The following CRACR2A variants were observed in gnomAD, a reference collection of about 807,000 sequenced individuals.
CRACR2A encodes calcium release activated channel regulator 2A, also known as EF-hand calcium-binding domain-containing protein 4B.
CRACR2A carries 79 observed loss-of-function variants against 90.5 expected under a neutral mutation model. The observed-to-expected ratio is 0.87, with a 90% CI of 0.73 to 1.05. CRACR2A has a LOEUF of 1.05. CRACR2A is among the 50% of genes least tolerant of loss of function. The pLI, the probability that CRACR2A is intolerant of heterozygous loss-of-function variation, is 0.00. For missense variants in CRACR2A, 823 were observed against 897.2 expected, an observed-to-expected ratio of 0.92 and a Z score of 1.06; for synonymous variants, 338 against 356.7, an observed-to-expected ratio of 0.95 and a Z score of 0.59.
chr12:3,636,165 A>G (rs1944450876), intron 14 of CRACR2A, among the ~76,000 whole-genome samples: 2 of 152,210 alleles, frequency 1.3e-5, no homozygotes, highest in Non-Finnish European at 2.9e-5. Context: ...ATTCCCAGCA[A>G]TAGAAGTGCT....
At chr12:3,673,786 A>G (rs1337769462) in intron 6 of CRACR2A, among the ~76,000 whole-genome samples, 194 bp from the exon 7 acceptor site, 1 of 152,218 alleles carries the variant, frequency 6.6e-6, no homozygotes, top group Non-Finnish European at 1.5e-5. Flanking sequence ...CGTCCTCACA[A>G]TAACCCTACA....
chr12:3,701,975 C>G (rs1333334074), intron 3 of CRACR2A, among the ~76,000 whole-genome samples: 1 of 152,110 alleles, frequency 6.6e-6, no homozygotes, highest in East Asian at 1.9e-4. Context: ...CCTGACCAAC[C>G]AGGGTTTATC....
chr12:3,745,815 T>TAAA lies in CRACR2A; in HGVS notation c.-387+7197_-387+7199dup, dbSNP rs1215428086. Among the ~76,000 whole-genome samples the TAAA allele has an allele frequency of 8.5e-4, 5 of 5,870 alleles. No individual in the cohort carries two copies. In the South Asian group the frequency reaches 0.039, roughly 46 times the overall value. The allele number at this position is 5,870 out of a possible 152,430, so 3.9% of individuals were successfully genotyped here. On this transcript the variant is annotated intron_variant, in intron 1 of 19. Coordinates refer to ENST00000440314, the MANE Select transcript of CRACR2A (RefSeq NM_001144958.2). ...TAAAATAAAATAAAATAAAATAAAA[T>TAAA]AAAATAAAATAAAGAAAGAAAAGAG...
intron 11 of CRACR2A, chr12:3,648,100 C>T (rs1011082075): frequency 7.9e-5 from 79 of 1,001,190 alleles, no homozygotes; most frequent in African/African-American, 5.9e-4. Context: ...GTAGCTGTGT[C>T]GCCTGTGGTA....
intron 3 of CRACR2A, among the ~76,000 whole-genome samples, chr12:3,710,289 G>A (rs1194994773): frequency 2.0e-5 from 3 of 152,060 alleles, no homozygotes; most frequent in Admixed American, 2.0e-4. Context: ...GTTTGTCTGT[G>A]CTAAGTCTTA....
intron 14 of CRACR2A, among the ~76,000 whole-genome samples, chr12:3,637,596 G>A (rs940732576): frequency 6.6e-6 from 1 of 151,938 alleles, no homozygotes; most frequent in Non-Finnish European, 1.5e-5. Flanking sequence ...ATTTGGAAAG[G>A]GGACTCACTT....
intron 7 of CRACR2A, among the ~76,000 whole-genome samples, chr12:3,670,090 A>G (rs914000610): frequency 1.3e-5 from 2 of 152,080 alleles, no homozygotes; most frequent in Non-Finnish European, 2.9e-5. Flanking sequence ...CCTCAAGGAG[A>G]GGGACTCTAT....
intron 15 of CRACR2A, among the ~76,000 whole-genome samples, chr12:3,628,057 CTT>C (rs1420769384): frequency 7.6e-6 from 1 of 130,720 alleles, no homozygotes; most frequent in African/African-American, 2.8e-5. Flanking sequence ...CTCTCTCTCT[CTT>C]TCCCTCCCTC....
Position 3,633,587 on chromosome 12 carries a change from C to T in CRACR2A, c.1735+17G>A, listed in dbSNP as rs1334381856. ...CCAAAGATGGGCCTAGGACCCACCT[C>T]AGGGATGAGAACTCACCCACAGTGG... On this transcript the variant is annotated intron_variant, in intron 15 of 19. Coordinates refer to ENST00000440314, the MANE Select transcript of CRACR2A (RefSeq NM_001144958.2). This position sits in a 1 kb window ranked among gnomAD's most constrained non-coding sequence, Gnocchi z 4.5. 3 of 1,551,558 alleles carry T rather than the reference C, an allele frequency of 1.9e-6. No homozygotes were observed. The highest frequency in any genetic ancestry group is 2.0e-5 in the Admixed American group (1 of 50,984).
At chr12:3,635,297 G>C (rs533854896) in intron 14 of CRACR2A, among the ~76,000 whole-genome samples, 3 of 152,138 alleles carry the variant, frequency 2.0e-5, no homozygotes, top group Non-Finnish European at 4.4e-5. Flanking sequence ...GCTGGATTGC[G>C]GGGAGGGGGC....
At chr12:3,643,982 A>T (rs1386317937) in intron 12 of CRACR2A, among the ~76,000 whole-genome samples, 2 of 135,042 alleles carry the variant, frequency 1.5e-5, no homozygotes, top group African/African-American at 5.5e-5. Flanking sequence ...TCATCCGTTA[A>T]TACTAGAGGT....
intron 7 of CRACR2A, among the ~76,000 whole-genome samples, chr12:3,666,354 T>TGTGCGCGTGCGTGTGC (rs372810487): frequency 2.2e-4 from 32 of 144,966 alleles, no homozygotes; most frequent in Non-Finnish European, 4.4e-4. Context: ...TGTGTGTGTG[T>TGTGCGCGTGCGTGTGC]GCGTGCGTGT....
chr12:3,731,403 G>A (rs1161681789), intron 2 of CRACR2A: 1 of 152,316 alleles, frequency 6.6e-6, no homozygotes, highest in Non-Finnish European at 1.5e-5. Flanking sequence ...AGAGCGATAG[G>A]TGAGTGCAGT....
At chr12:3,744,873 A>T (rs971752853) in intron 1 of CRACR2A, among the ~76,000 whole-genome samples, 6 of 152,146 alleles carry the variant, frequency 3.9e-5, no homozygotes, top group African/African-American at 1.4e-4. Context: ...AGAGGAAACA[A>T]TTCACAATGT....
intron 18 of CRACR2A, among the ~76,000 whole-genome samples, chr12:3,617,401 C>G (rs1363119363): frequency 6.6e-6 from 1 of 152,344 alleles, no homozygotes; most frequent in South Asian, 2.1e-4. Context: ...TATTCTTCCC[C>G]CTTTCACAGG....
At chr12:3,751,826 C>T (rs1319217604) in intron 1 of CRACR2A, among the ~76,000 whole-genome samples, 1 of 124,064 alleles carries the variant, frequency 8.1e-6, no homozygotes, top group Non-Finnish European at 1.8e-5. Context: ...GACAGGACCT[C>T]GGAAGCCATA....
At chr12:3,734,525 G>A (rs547359044) in intron 1 of CRACR2A, among the ~76,000 whole-genome samples, 2 of 152,010 alleles carry the variant, frequency 1.3e-5, no homozygotes, top group African/African-American at 4.8e-5. Flanking sequence ...AGTCATCTCC[G>A]CACTCCCGTG....
chr12:3,658,241 T>C (rs1944953688), intron 8 of CRACR2A, among the ~76,000 whole-genome samples: 1 of 152,168 alleles, frequency 6.6e-6, no homozygotes, highest in African/African-American at 2.4e-5. Context: ...GCCCAGCATT[T>C]ACTTCCAAAA....
Position 3,615,343 on chromosome 12 carries a change from T to G in CRACR2A, c.*12A>C. The G allele has an allele frequency of 3.9e-6, 6 of 1,551,162 alleles. No individual in the cohort carries two copies. In the South Asian group the frequency reaches 7.1e-5, roughly 18 times the overall value. ...CCTCAGGTTTGCTGGGGGCAGTCCTTGTAGGACCCTATCAGCCACAGCAGG... is the reference window on the plus strand; with the variant it reads ...CCTCAGGTTTGCTGGGGGCAGTCCTGGTAGGACCCTATCAGCCACAGCAGG... On this transcript the variant is annotated 3_prime_UTR_variant, in exon 20 of 20. Coordinates refer to ENST00000440314, the MANE Select transcript of CRACR2A (RefSeq NM_001144958.2).
Sources: allele counts gnomAD v4.1 joint callset (sites outside exome capture counted in the v4.1 genomes callset), GRCh38; gene constraint gnomAD v4.1.1; non-coding constraint Gnocchi (gnomAD v3.1); transcripts MANE v1.5; gene names NCBI Gene and HGNC (gene_info 2026-07-23, HGNC 2026-07-21).